The following LDLRAD4 variants were observed in gnomAD, a reference collection of about 807,000 sequenced individuals.
The protein encoded by LDLRAD4 is low-density lipoprotein receptor class A domain-containing protein 4.
Under a neutral mutation model 17.0 loss-of-function variants are expected in LDLRAD4, and 5 were observed. That is an observed-to-expected ratio of 0.29 (90% CI 0.15 to 0.62). LDLRAD4 has a LOEUF of 0.62. Among genes scored for constraint, LDLRAD4 ranks in the 20% least tolerant of loss-of-function variants. The probability of loss-of-function intolerance (pLI) is 0.84; values close to 1 mark genes in which losing one functional copy is unlikely to be tolerated. For synonymous variants in LDLRAD4, 168 were observed against 171.8 expected, an observed-to-expected ratio of 0.98 and a Z score of 0.17; for missense variants, 340 against 424.7, an observed-to-expected ratio of 0.80 and a Z score of 1.75.
chr18:13,642,040 C>T (rs568710255), intron 4 of LDLRAD4: 2 of 985,302 alleles, frequency 2.0e-6, no homozygotes, highest in South Asian at 9.4e-5. Context: ...GGACCCCCGC[C>T]CTCGTCTGTG....
intron 1 of LDLRAD4, among the ~76,000 whole-genome samples, chr18:13,290,840 A>G (rs147036524): frequency 1.4e-3 from 216 of 152,366 alleles, no homozygotes; most frequent in African/African-American, 4.7e-3. Flanking sequence ...TCATTGGCCT[A>G]TAAGAATATC....
At chr18:13,358,596 A>G (rs1053448795) in intron 1 of LDLRAD4, among the ~76,000 whole-genome samples, 7 of 152,170 alleles carry the variant, frequency 4.6e-5, no homozygotes, top group Admixed American at 2.0e-4. Flanking sequence ...TGATAAATCA[A>G]ATTTATCCCA....
intron 3 of LDLRAD4, among the ~76,000 whole-genome samples, chr18:13,533,224 AAG>A (rs1318863269): frequency 1.3e-5 from 2 of 152,186 alleles, no homozygotes; most frequent in Non-Finnish European, 2.9e-5. Context: ...TATCTCCACA[AAG>A]AGATGTTTTT....
intron 2 of LDLRAD4, among the ~76,000 whole-genome samples, chr18:13,436,771 A>G (rs547375151): frequency 4.6e-5 from 7 of 152,186 alleles, no homozygotes; most frequent in Non-Finnish European, 8.8e-5. Flanking sequence ...GCCCAGCCTC[A>G]CTCTGCACAC....
intron 3 of LDLRAD4, chr18:13,472,283 C>T (rs1480197095): frequency 6.6e-6 from 1 of 152,284 alleles, no homozygotes; most frequent in Non-Finnish European, 1.5e-5. Flanking sequence ...CTCATTGAAG[C>T]CTGCAAATGG....
intron 3 of LDLRAD4, among the ~76,000 whole-genome samples, chr18:13,540,549 T>C (rs567371303): frequency 7.2e-5 from 11 of 152,302 alleles, no homozygotes; most frequent in Non-Finnish European, 8.8e-5. Flanking sequence ...GTGTTTATGC[T>C]GGGGGTTGTT....
intron 1 of LDLRAD4, among the ~76,000 whole-genome samples, chr18:13,378,414 C>T (rs2085088428): frequency 1.3e-5 from 2 of 152,114 alleles, no homozygotes; most frequent in African/African-American, 2.4e-5. Context: ...TGTGTGGAAG[C>T]TTGAGAGGTG....
At chr18:13,231,768 T>G (rs2042090627) in intron 1 of LDLRAD4, among the ~76,000 whole-genome samples, 1 of 152,384 alleles carries the variant, frequency 6.6e-6, no homozygotes, top group African/African-American at 2.4e-5. Context: ...GTTCCTTGGC[T>G]TTAAGGAACA....
intron 4 of LDLRAD4, among the ~76,000 whole-genome samples, chr18:13,626,452 G>A (rs952329302): frequency 6.6e-6 from 1 of 152,152 alleles, no homozygotes; most frequent in African/African-American, 2.4e-5. Flanking sequence ...ACAGCCCAGG[G>A]GTAGGGGATG....
intron 2 of LDLRAD4, among the ~76,000 whole-genome samples, chr18:13,393,428 G>A (rs1474071611): frequency 6.6e-6 from 1 of 152,146 alleles, no homozygotes; most frequent in African/African-American, 2.4e-5. Flanking sequence ...ACAGCAGGCA[G>A]GGACAGCTTC....
At chr18:13,290,082 C>A (rs11664026) in intron 1 of LDLRAD4, among the ~76,000 whole-genome samples, 1 of 152,234 alleles carries the variant, frequency 6.6e-6, no homozygotes, top group African/African-American at 2.4e-5. Flanking sequence ...GTCCTCCCAT[C>A]TGAGCACAGC....
At chr18:13,536,100 C>G (rs146547624) in intron 3 of LDLRAD4, among the ~76,000 whole-genome samples, 1 of 152,280 alleles carries the variant, frequency 6.6e-6, no homozygotes, top group African/African-American at 2.4e-5. Flanking sequence ...AACCTTATCC[C>G]TTTTCAAGAC....
At chr18:13,314,108 C>G (rs530995431) in intron 1 of LDLRAD4, among the ~76,000 whole-genome samples, 91 of 152,216 alleles carry the variant, frequency 6.0e-4, no homozygotes, top group African/African-American at 2.1e-3. Flanking sequence ...GGTGAAGAAG[C>G]AACACCTTCA....
chr18:13,279,643 CAATT>C (rs1341365172), intron 1 of LDLRAD4: 1 of 152,216 alleles, frequency 6.6e-6, no homozygotes, highest in Non-Finnish European at 1.5e-5. Flanking sequence ...CCTCACTCAT[CAATT>C]AGTTTAAGCA....
At chr18:13,365,796 CAG>C (rs1306177813) in intron 1 of LDLRAD4, among the ~76,000 whole-genome samples, 1 of 152,242 alleles carries the variant, frequency 6.6e-6, no homozygotes, top group African/African-American at 2.4e-5. Flanking sequence ...TGATTTGAAA[CAG>C]AGTCTCACCC....
At chr18:13,278,118 A>G (rs1010926928) in exon 1 of LDLRAD4, 1 of 152,204 alleles carries the variant, frequency 6.6e-6, no homozygotes, top group African/African-American at 2.4e-5. Context: ...TTCAAGCTCT[A>G]CGTTCGTGAC....
intron 3 of LDLRAD4, among the ~76,000 whole-genome samples, chr18:13,445,650 T>C (rs1339608414): frequency 6.6e-6 from 1 of 151,068 alleles, no homozygotes; most frequent in East Asian, 1.9e-4. Context: ...TCTGATGCAT[T>C]TGTGCATGAG....
chr18:13,306,253 C>G (rs993663545), intron 1 of LDLRAD4, among the ~76,000 whole-genome samples: 2 of 152,262 alleles, frequency 1.3e-5, no homozygotes, highest in East Asian at 3.9e-4. Flanking sequence ...ACAGGACGGC[C>G]CCTGAGCCTT....
At chr18:13,388,593 G>A (rs2086012895) in intron 2 of LDLRAD4, among the ~76,000 whole-genome samples, 1 of 152,248 alleles carries the variant, frequency 6.6e-6, no homozygotes, top group Non-Finnish European at 1.5e-5. Context: ...CCAGAAGTTT[G>A]CAGCTTTTCA....
Sources: gnomAD v4.1 joint callset for allele counts (sites outside exome capture counted in the v4.1 genomes callset) on GRCh38, gnomAD v4.1.1 for gene constraint, MANE v1.5 for transcripts, NCBI Gene and HGNC (gene_info 2026-07-23, HGNC 2026-07-21) for gene names.